AFAP1: variants seen among roughly 807,000 people sequenced by gnomAD.
AFAP1 encodes actin filament-associated protein 1.
Under a neutral mutation model 93.9 loss-of-function variants are expected in AFAP1, and 75 were observed. That is an observed-to-expected ratio of 0.80 (90% confidence interval 0.66 to 0.97). AFAP1 has a LOEUF of 0.97. Among genes scored for constraint, AFAP1 ranks in the 50% least tolerant of loss-of-function variants. AFAP1 has a pLI of 0.00. For missense variants in AFAP1, 1,201 were observed against 1,050.8 expected, an observed-to-expected ratio of 1.14 and a Z score of -1.98; for synonymous variants, 517 against 430.7, an observed-to-expected ratio of 1.20 and a Z score of -2.48.
At chr4:7,901,932 T>A (rs377568321) in intron 1 of AFAP1, among the ~76,000 whole-genome samples, 3 of 152,210 alleles carry the variant, frequency 2.0e-5, no homozygotes, top group African/African-American at 7.2e-5. Flanking sequence ...GATTTTATAG[T>A]GGAATGCACC....
intron 3 of AFAP1, among the ~76,000 whole-genome samples, chr4:7,865,757 C>T (rs1273537305): frequency 1.1e-4 from 17 of 152,188 alleles, no homozygotes; most frequent in Admixed American, 6.5e-5. Flanking sequence ...CCAGCTGGCA[C>T]GTGAGGGACA....
intron 6 of AFAP1, among the ~76,000 whole-genome samples, chr4:7,827,292 C>T (rs1721508768): frequency 6.6e-6 from 1 of 152,046 alleles, no homozygotes. Flanking sequence ...AGAGGAGAGG[C>T]CGGGCACGGT....
chr4:7,763,815 AGT>A (rs1714147934), intron 17 of AFAP1, 24 bp from the exon 18 acceptor site: 1 of 1,551,340 alleles, frequency 6.4e-7, no homozygotes, highest in Admixed American at 2.0e-5. Flanking sequence ...GAGTCTTGTA[AGT>A]GGACAGGGCA....
At chr4:7,848,413 ACT>A (rs1454983430) in intron 4 of AFAP1, among the ~76,000 whole-genome samples, 1 of 151,934 alleles carries the variant, frequency 6.6e-6, no homozygotes, top group Admixed American at 6.6e-5. Context: ...AGATGGTGAA[ACT>A]CTCCGTCTGA....
intron 10 of AFAP1, among the ~76,000 whole-genome samples, chr4:7,797,898 G>GA (rs1430994946): frequency 6.6e-6 from 1 of 152,212 alleles, no homozygotes; most frequent in Non-Finnish European, 1.5e-5. Flanking sequence ...GGGCACGGGG[G>GA]AGAGTACACA....
intron 9 of AFAP1, among the ~76,000 whole-genome samples, chr4:7,806,230 A>G (rs1478824199): frequency 6.6e-6 from 1 of 152,248 alleles, no homozygotes; most frequent in East Asian, 1.9e-4. Context: ...TTGCAGGGTT[A>G]GGCGGGCGGA....
At chr4:7,801,870 T>G (rs1719060417) in intron 9 of AFAP1, among the ~76,000 whole-genome samples, 2 of 126,306 alleles carry the variant, frequency 1.6e-5, no homozygotes, top group African/African-American at 6.2e-5. Context: ...CACCTGAGGT[T>G]AGGAGTTCAA....
At chr4:7,891,483 T>A (rs934789813) in intron 1 of AFAP1, among the ~76,000 whole-genome samples, 1 of 152,036 alleles carries the variant, frequency 6.6e-6, no homozygotes, top group African/African-American at 2.4e-5. Context: ...AAATAGAACT[T>A]TAAGAGATTT....
intron 4 of AFAP1, among the ~76,000 whole-genome samples, chr4:7,844,742 C>T (rs1260717542): frequency 6.6e-6 from 1 of 152,258 alleles, no homozygotes; most frequent in Non-Finnish European, 1.5e-5. Flanking sequence ...AAAAGGTCTT[C>T]CTAAATACCA....
intron 1 of AFAP1, among the ~76,000 whole-genome samples, chr4:7,929,401 C>T (rs939349791): frequency 6.6e-6 from 1 of 152,204 alleles, no homozygotes; most frequent in Non-Finnish European, 1.5e-5. Context: ...TGAAAATTTA[C>T]TGCACTGTCC....
At chr4:7,798,302 ACCC>A in intron 10 of AFAP1, among the ~76,000 whole-genome samples, 1 of 144,370 alleles carries the variant, frequency 6.9e-6, no homozygotes, top group Non-Finnish European at 1.5e-5. Context: ...CGGCATTGCA[ACCC>A]TATTGGCTGG....
intron 16 of AFAP1, among the ~76,000 whole-genome samples, chr4:7,771,020 C>T (rs1028901022): frequency 4.6e-5 from 7 of 152,242 alleles, no homozygotes; most frequent in Admixed American, 3.9e-4. Flanking sequence ...TTGTCCAAGG[C>T]ACCTCCTAGC....
intron 16 of AFAP1, among the ~76,000 whole-genome samples, chr4:7,769,253 G>A (rs541569141): frequency 6.6e-6 from 1 of 152,338 alleles, no homozygotes; most frequent in Admixed American, 6.5e-5. Context: ...ACTCCCGGCT[G>A]TGCCTGGGAA....
rs1035180603 is a variant in AFAP1 at position 7,766,054 on chromosome 4, C to A, written c.2419-2263G>T. Among the ~76,000 whole-genome samples the A allele has an allele frequency of 7.9e-5, 12 of 152,232 alleles. 1 individual carries two copies. Among genetic ancestry groups the A allele is most frequent in the Non-Finnish European group, 1.3e-4 (9 of 68,038 alleles). Reference sequence around the variant, plus strand: ...GCATGCTGCATACAATGAACAATTTCTCACTTTGTCTAAATCAAAAGCTCG... The same window carrying A: ...GCATGCTGCATACAATGAACAATTTATCACTTTGTCTAAATCAAAAGCTCG... On this transcript the variant is annotated intron_variant, in intron 17 of 17. Transcript: ENST00000420658.
chr4:7,778,199 A>C (rs946029540), intron 14 of AFAP1: 1 of 160,290 alleles, frequency 6.2e-6, no homozygotes, highest in African/African-American at 2.4e-5. Flanking sequence ...GATAATGCCT[A>C]TGCTTACAAA....
intron 9 of AFAP1, among the ~76,000 whole-genome samples, chr4:7,802,343 T>C (rs1366996425): frequency 1.3e-5 from 2 of 152,202 alleles, no homozygotes; most frequent in Non-Finnish European, 2.9e-5. Flanking sequence ...CAAACTACAC[T>C]CGATCCAAGC....
In AFAP1 at chr4:7,843,029, T is replaced by TGGAA. The variant is rs369173788; in HGVS notation, c.546+109_546+110insTTCC. Reference sequence around the variant, plus strand: ...TAGCTCAGGGCACCTGGCTGACACCTGAGTGCTGCCCTTCCTGCACAGCTG... The same window carrying TGGAA: ...TAGCTCAGGGCACCTGGCTGACACCTGGAAGAGTGCTGCCCTTCCTGCACAGCTG... On this transcript the variant is annotated intron_variant, in intron 5 of 17. Transcript: ENST00000420658. 6,129 of 1,270,086 alleles carry TGGAA rather than the reference T, an allele frequency of 4.8e-3. 89 individuals carry two copies. The highest frequency in any genetic ancestry group is 0.046 in the African/African-American group (3,146 of 67,884). 78.7% of individuals were successfully genotyped at this position (1,270,086 alleles called of 1,614,324 possible). A position where few individuals can be genotyped will look rare whatever the true frequency, so the allele number is the denominator to read the frequency against.
chr4:7,819,555 G>A (rs897146918), intron 6 of AFAP1, among the ~76,000 whole-genome samples: 1 of 152,148 alleles, frequency 6.6e-6, no homozygotes, highest in African/African-American at 2.4e-5. Flanking sequence ...AAGAGACCAG[G>A]GGGCCTTATG....
chr4:7,776,714 G>A (rs1475719395), intron 14 of AFAP1: 4 of 152,192 alleles, frequency 2.6e-5, no homozygotes, highest in Non-Finnish European at 5.9e-5. Flanking sequence ...CAGCAAAAGC[G>A]TCGGCAGCCT....
Sources: allele counts gnomAD v4.1 joint callset (sites outside exome capture counted in the v4.1 genomes callset), GRCh38; gene constraint gnomAD v4.1.1; transcripts MANE v1.5; gene names NCBI Gene and HGNC (gene_info 2026-07-23, HGNC 2026-07-21).